Variants in NEK4 observed in about 807,000 individuals in gnomAD.
The protein encoded by NEK4 is serine/threonine-protein kinase Nek4.
NEK4 carries 86 observed loss-of-function variants against 98.4 expected under a neutral mutation model. The ratio of observed to expected loss-of-function variants is 0.87; its 90% CI spans 0.73 to 1.05. The LOEUF (loss-of-function observed/expected upper bound fraction) is 1.05. NEK4 is among the 50% of genes least tolerant of loss of function. The pLI, the probability that NEK4 is intolerant of heterozygous loss-of-function variation, is 0.00. For synonymous variants in NEK4, 328 were observed against 342.2 expected, an observed-to-expected ratio of 0.96 and a Z score of 0.46; for missense variants, 898 against 950.3, an observed-to-expected ratio of 0.94 and a Z score of 0.72.
intron 1 of NEK4, 44 bp downstream of exon 1, chr3:52,770,610 C>T (rs1040751843): frequency 2.0e-6 from 3 of 1,476,254 alleles, no homozygotes; most frequent in African/African-American, 2.8e-5. Context: ...CCTCGGCGCA[C>T]TTCTGCCCGC....
In NEK4 at chr3:52,739,524, T is replaced by G. The variant is rs1323896136; in HGVS notation, c.2204A>C (p.Glu735Ala). 1 of 1,614,106 alleles carries G rather than the reference T, an allele frequency of 6.2e-7. No homozygotes were observed. Among genetic ancestry groups the G allele is most frequent in the East Asian group, 2.2e-5 (1 of 44,900 alleles). Residue 735 changes from glutamate to alanine, a missense_variant, in exon 14 of 16, where the codon GAA becomes GCA. By Grantham distance (107) the Glu-to-Ala change is moderately radical. Coordinates refer to ENST00000233027, the MANE Select transcript of NEK4 (RefSeq NM_003157.6). ...CCGATATTTCCGATGAAGTTTGAAT[T>G]CTGACACTGGGTTTGCTACCGGGAC... ...EDVPVANPVS[E>A]FKLHRKYRDT...
chr3:52,746,786 T>C lies in NEK4; in HGVS notation c.1625A>G (p.Glu542Gly), dbSNP rs1447543749. 8 of 1,614,002 alleles carry C rather than the reference T, an allele frequency of 5.0e-6. No individual in the cohort carries two copies. Among genetic ancestry groups the C allele is most frequent in the Non-Finnish European group, 6.8e-6 (8 of 1,180,020 alleles). ...CTTTTCCCCTCTGTGCTCAGTCTGT[T>C]CTCTCCTCTTTTGCCGTCGCTGTCG... Reference protein sequence around the residue: ...LSRQRRQKRREQTEHRGEKRQ... With the variant: ...LSRQRRQKRRGQTEHRGEKRQ... The change falls in exon 9 of 16, where the codon GAA becomes GGA. Residue 542 changes from glutamate (E) to glycine (G), a missense_variant. Physicochemically the swap from Glu to Gly is moderately conservative, Grantham distance 98. Coordinates refer to ENST00000233027, the MANE Select transcript of NEK4 (RefSeq NM_003157.6).
rs533922432 is a variant in NEK4, at chr3:52,770,721, A to T, written c.26T>A (p.Leu9Gln). The T allele has an allele frequency of 5.7e-6, 9 of 1,574,576 alleles. No individual in the cohort carries two copies. In the East Asian group the frequency reaches 2.1e-4, roughly 37 times the overall value. The change falls in exon 1 of 16, where the codon CTG becomes CAG. Residue 9 changes from leucine (L) to glutamine (Q), a missense_variant. By Grantham distance (113) the Leu-to-Gln change is moderately radical (BLOSUM62 -2). Transcript: ENST00000233027. MPLAAYCY[L>Q]RVVGKGSYGE... ...ATAGCTCCCCTTGCCCACGACCCGCAGGTAGCAGTAGGCGGCCAGGGGCAT... is the reference window on the plus strand; with the variant it reads ...ATAGCTCCCCTTGCCCACGACCCGCTGGTAGCAGTAGGCGGCCAGGGGCAT...
In NEK4 at chr3:52,737,730, A is replaced by G; in HGVS notation, c.2300-11T>C. On this transcript the variant is annotated splice_polypyrimidine_tract_variant and intron_variant, in intron 14 of 15. Transcript: ENST00000233027. Reference sequence around the variant, plus strand: ...AACCTGGCATAATAGCTAAAAGGCAACAACAAAGACAAAGGGAAAAATAAA... The same window carrying G: ...AACCTGGCATAATAGCTAAAAGGCAGCAACAAAGACAAAGGGAAAAATAAA... The G allele has an allele frequency of 6.3e-7, 1 of 1,590,882 alleles. No homozygotes were observed. The highest frequency in any genetic ancestry group is 8.6e-7 in the Non-Finnish European group (1 of 1,168,368).
In NEK4 at chr3:52,741,489, T is replaced by C. The variant is rs567534614; in HGVS notation, c.2015A>G (p.Gln672Arg). The stretch of plus-strand genomic sequence containing the variant: ...CTCATCCTCAGACAGACAATGAATC[T>C]GTTTCCTTTCCTATTAAATGTTTGG... ...SDCSVTQERK[Q>R]IHCLSEDELS... Residue 672 changes from glutamine (Q) to arginine (R), a missense_variant, in exon 13 of 16, where the codon CAG becomes CGG. Physicochemically the swap from Gln to Arg is conservative, Grantham distance 43 (BLOSUM62 1). Transcript: ENST00000233027. 7 of 1,601,130 alleles carry C rather than the reference T, an allele frequency of 4.4e-6. No individual in the cohort carries two copies. The East Asian group carries it at 1.3e-4, about 31-fold the overall frequency.
chr3:52,763,773 A>G (rs1698445673), intron 4 of NEK4, 149 bp from the exon 5 acceptor site: 1 of 557,364 alleles, frequency 1.8e-6, no homozygotes, highest in African/African-American at 1.9e-5. Context: ...GTGTACTGGT[A>G]TCCCAGTTGT....
At chr3:52,741,365 A>C in intron 13 of NEK4, 46 bp downstream of exon 13, 1 of 1,124,836 alleles carries the variant, frequency 8.9e-7, no homozygotes. Context: ...AATATTCATT[A>C]AAACAGAAAT....
chr3:52,760,608 T>G (rs1335796453), intron 6 of NEK4, among the ~76,000 whole-genome samples, 187 bp downstream of exon 6: 1 of 152,262 alleles, frequency 6.6e-6, no homozygotes, highest in Non-Finnish European at 1.5e-5. Context: ...TGTGAACAAT[T>G]TGACAGCCCA....
intron 6 of NEK4, among the ~76,000 whole-genome samples, chr3:52,760,037 C>A (rs1401738450): frequency 6.6e-6 from 1 of 152,146 alleles, no homozygotes; most frequent in Non-Finnish European, 1.5e-5. Flanking sequence ...ACAGGAAACA[C>A]ACTGGTGGTT....
At chr3:52,741,981 T>C (rs2097387145) in intron 12 of NEK4, among the ~76,000 whole-genome samples, 2 of 152,050 alleles carry the variant, frequency 1.3e-5, no homozygotes, top group Admixed American at 1.3e-4. Context: ...GGTTTCACCA[T>C]GTTGGCCAGG....
At chr3:52,722,517 A>T (rs1324390326) in intron 15 of NEK4, among the ~76,000 whole-genome samples, 1 of 152,174 alleles carries the variant, frequency 6.6e-6, no homozygotes, top group Non-Finnish European at 1.5e-5. Context: ...ACAAAAAACC[A>T]CAAGACATAA....
chr3:52,753,692 C>T (rs978649759), intron 6 of NEK4: 32 of 579,032 alleles, frequency 5.5e-5, no homozygotes, highest in Non-Finnish European at 1.1e-4. Flanking sequence ...GGAGCCTGTC[C>T]CAGCAGCACA....
At position 52,745,509 on chromosome 3, in the gene NEK4, G is replaced by A. The variant is rs181183563; in HGVS notation, c.1827+552C>T. Among the ~76,000 whole-genome samples the A allele has an allele frequency of 5.5e-3, 840 of 151,788 alleles. 5 individuals carry two copies. The highest frequency in any genetic ancestry group is 0.019 in the African/African-American group (771 of 41,432). ...CAGGAGAATTGCTTGAACCCAGGAG[G>A]CGGAGATTGTAGTGAGCCAAGATTG... On this transcript the variant is annotated intron_variant, in intron 10 of 15. Coordinates refer to ENST00000233027, the MANE Select transcript of NEK4 (RefSeq NM_003157.6).
At chr3:52,735,626 G>A (rs962920996) in intron 15 of NEK4, among the ~76,000 whole-genome samples, 1 of 152,148 alleles carries the variant, frequency 6.6e-6, no homozygotes, top group Non-Finnish European at 1.5e-5. Flanking sequence ...ACAAGGTATT[G>A]TACAACCCTC....
intron 5 of NEK4, among the ~76,000 whole-genome samples, chr3:52,761,752 T>C (rs1578698807): frequency 6.6e-6 from 1 of 152,236 alleles, no homozygotes; most frequent in African/African-American, 2.4e-5. Context: ...AAAAATTCTA[T>C]GGGAGATTGC....
chr3:52,744,554 C>A (rs545574343), intron 10 of NEK4, among the ~76,000 whole-genome samples: 9 of 151,726 alleles, frequency 5.9e-5, no homozygotes. Context: ...CATGGTGGTG[C>A]GTGCCTGTAA....
rs745597302 is a variant in NEK4 at position 52,746,839 on chromosome 3, G to T, written c.1572C>A (p.His524Gln). 2 of 1,613,780 alleles carry T rather than the reference G, an allele frequency of 1.2e-6. No homozygotes were observed. The highest frequency in any genetic ancestry group is 8.5e-7 in the Non-Finnish European group (1 of 1,179,726). Residue 524 changes from histidine (H) to glutamine (Q), a missense_variant, in exon 9 of 16, where the codon CAC becomes CAA. By Grantham distance (24) the His-to-Gln change is conservative (BLOSUM62 0). Coordinates refer to ENST00000233027, the MANE Select transcript of NEK4 (RefSeq NM_003157.6). ...QGRIHPDLQP[H>Q]NSGSEPSLSR... ...ACAGGGAAGGTTCAGACCCAGAGTTGTGTGGCTGTAAATCTGGGTGGATTC... is the reference window on the plus strand; with the variant it reads ...ACAGGGAAGGTTCAGACCCAGAGTTTTGTGGCTGTAAATCTGGGTGGATTC...
rs922977641 is a variant in NEK4, at chr3:52,731,026, A to G, written c.2433+6560T>C. ...CTGAACTGTATGCTTTAAAATGGCT[A>G]AAATGGTATATTTTATCTCCATTTT... On this transcript the variant is annotated intron_variant, in intron 15 of 15. Coordinates refer to ENST00000233027, the MANE Select transcript of NEK4 (RefSeq NM_003157.6). 5.9e-5 allele frequency among the ~76,000 whole-genome samples: 9 copies of G among 152,356 alleles called. No homozygotes were observed. The East Asian group carries it at 1.5e-3, about 26-fold the overall frequency.
chr3:52,752,154 A>G lies in NEK4; in HGVS notation c.1146T>C (p.Phe382=), dbSNP rs776869390. 1 of 1,614,092 alleles carries G rather than the reference A, an allele frequency of 6.2e-7. No homozygotes were observed. The highest frequency in any genetic ancestry group is 1.3e-5 in the African/African-American group (1 of 74,920). Reference sequence around the variant, plus strand: ...AATATCTTGGCTGATTCTCCTGAACAAAGCCATCACTCACTGAATCCCTCC... The same window carrying G: ...AATATCTTGGCTGATTCTCCTGAACGAAGCCATCACTCACTGAATCCCTCC... ...AKGRDSVSDG[F]VQENQPRYLD... is the part of the protein sequence containing the mutation. Residue 382 remains phenylalanine (F), a synonymous_variant, in exon 7 of 16, where the codon TTT becomes TTC. Transcript: ENST00000233027.
Sources: gnomAD v4.1 joint callset for allele counts (sites outside exome capture counted in the v4.1 genomes callset) on GRCh38, gnomAD v4.1.1 for gene constraint, MANE v1.5 for transcripts, NCBI Gene and HGNC (gene_info 2026-07-23, HGNC 2026-07-21) for gene names.